Variants in GRM1 observed in about 807,000 individuals in gnomAD.
GRM1 encodes glutamate metabotropic receptor 1.
Under a neutral mutation model 90.9 loss-of-function variants are expected in GRM1, and 33 were observed. The ratio of observed to expected loss-of-function variants is 0.36; its 90% CI spans 0.28 to 0.49. The LOEUF is 0.49. Among genes scored for constraint, GRM1 ranks in the 20% least tolerant of loss-of-function variants. The pLI, the probability that GRM1 is intolerant of heterozygous loss-of-function variation, is 0.99. For synonymous variants in GRM1, 700 were observed against 613.2 expected, an observed-to-expected ratio of 1.14 and a Z score of -2.09; for missense variants, 1,190 against 1,534.3, an observed-to-expected ratio of 0.78 and a Z score of 3.75.
chr6:146,071,733 A>G (rs966773978), intron 1 of GRM1, among the ~76,000 whole-genome samples: 1 of 152,190 alleles, frequency 6.6e-6, no homozygotes, highest in Non-Finnish European at 1.5e-5. Context: ...TGATACAGTC[A>G]TGATAAAACC....
chr6:146,066,682 G>A (rs943439246), intron 1 of GRM1, among the ~76,000 whole-genome samples: 3 of 152,084 alleles, frequency 2.0e-5, no homozygotes, highest in African/African-American at 7.2e-5. Flanking sequence ...CAGTGTAAAT[G>A]TGCTCCCTTT....
intron 1 of GRM1, among the ~76,000 whole-genome samples, chr6:146,112,671 A>G (rs896147893): frequency 3.3e-5 from 5 of 152,118 alleles, no homozygotes; most frequent in African/African-American, 7.2e-5. Flanking sequence ...TTTCCTTTGT[A>G]TGTTCACATT....
chr6:146,179,174 T>A (rs1778448553), intron 2 of GRM1, among the ~76,000 whole-genome samples: 1 of 152,186 alleles, frequency 6.6e-6, no homozygotes, highest in Non-Finnish European at 1.5e-5. Flanking sequence ...CACTCTCACG[T>A]GCACATGTGT....
At position 146,239,142 on chromosome 6, in the gene GRM1, A is replaced by C. The variant is rs188876040; in HGVS notation, c.951-65469A>C. 8.7e-4 allele frequency among the ~76,000 whole-genome samples: 133 copies of C among 152,292 alleles called. 1 individual carries two copies. The highest frequency in any genetic ancestry group is 3.0e-3 in the African/African-American group (123 of 41,574). ...TAATATTCTTTCGTTTTAAAGAGAA[A>C]GGTATCAGCTCCTCTCATTTCAGAA... On this transcript the variant is annotated intron_variant, in intron 2 of 7. Coordinates refer to ENST00000282753, the MANE Select transcript of GRM1 (RefSeq NM_001278064.2).
chr6:146,433,362 G>T (rs1031368730), intron 7 of GRM1, among the ~76,000 whole-genome samples: 6 of 152,174 alleles, frequency 3.9e-5, no homozygotes, highest in Non-Finnish European at 7.3e-5. Flanking sequence ...ATATGAGAAT[G>T]GGCAACTGAG....
chr6:146,200,657 A>ACT (rs1251788406), intron 2 of GRM1, among the ~76,000 whole-genome samples: 1 of 152,144 alleles, frequency 6.6e-6, no homozygotes, highest in African/African-American at 2.4e-5. Flanking sequence ...AGCTGCTCTA[A>ACT]GAAGTACATG....
chr6:146,057,343 T>A (rs962403570), intron 1 of GRM1, among the ~76,000 whole-genome samples: 1 of 152,096 alleles, frequency 6.6e-6, no homozygotes, highest in Non-Finnish European at 1.5e-5. Context: ...TTGGGAACTA[T>A]CCCCAGTGTA....
At chr6:146,388,443 T>C (rs1484205366) in intron 6 of GRM1, among the ~76,000 whole-genome samples, 1 of 151,950 alleles carries the variant, frequency 6.6e-6, no homozygotes, top group African/African-American at 2.4e-5. Flanking sequence ...TCAGAGTACA[T>C]AAAAAATGAC....
chr6:146,389,552 CTTTAACTTGGTAAAATAT>C (rs986117210), intron 6 of GRM1, among the ~76,000 whole-genome samples: 5 of 152,030 alleles, frequency 3.3e-5, no homozygotes, highest in Admixed American at 3.3e-4. Flanking sequence ...GATTAGGGAT[CTTTAACTTGGTAAAATAT>C]TTTTAAAATT....
At chr6:146,273,484 G>A (rs1333935784) in intron 2 of GRM1, among the ~76,000 whole-genome samples, 2 of 152,166 alleles carry the variant, frequency 1.3e-5, no homozygotes, top group Non-Finnish European at 2.9e-5. Flanking sequence ...TTTTGTTAAT[G>A]CTACTCCCTA....
intron 3 of GRM1, among the ~76,000 whole-genome samples, chr6:146,325,535 TC>T (rs1784372401): frequency 6.6e-6 from 1 of 152,222 alleles, no homozygotes; most frequent in African/African-American, 2.4e-5. Flanking sequence ...TAAAATGGCC[TC>T]AGCCTGGCTG....
At chr6:146,409,147 A>G (rs934218205) in intron 7 of GRM1, among the ~76,000 whole-genome samples, 1 of 152,190 alleles carries the variant, frequency 6.6e-6, no homozygotes, top group Non-Finnish European at 1.5e-5. Flanking sequence ...TCCAGAGTGG[A>G]AAGGCTCCAG....
intron 7 of GRM1, among the ~76,000 whole-genome samples, chr6:146,400,052 G>GGGCT (rs1777101989): frequency 6.6e-6 from 1 of 152,206 alleles, no homozygotes; most frequent in Admixed American, 6.5e-5. Flanking sequence ...TTGCCCCTGG[G>GGGCT]GGCTGGGTCA....
At chr6:146,275,957 C>A (rs918944688) in intron 2 of GRM1, among the ~76,000 whole-genome samples, 4 of 150,982 alleles carry the variant, frequency 2.6e-5, no homozygotes, top group Non-Finnish European at 4.4e-5. Context: ...TTTTATTTTC[C>A]AATAGATGAG....
At chr6:146,308,521 G>T (rs1006502491) in intron 3 of GRM1, among the ~76,000 whole-genome samples, 4 of 152,132 alleles carry the variant, frequency 2.6e-5, no homozygotes. Context: ...CTACATCCCA[G>T]GATGTGGAAA....
Position 146,029,996 on chromosome 6 carries a change from T to TCGGTCC in GRM1, c.483_488dup (p.Pro162_Gly163dup). On this transcript the variant is annotated inframe_insertion, in exon 1 of 8. Transcript: ENST00000282753. ...ACTAAGAAGCCCATTGCGGGAGTGA[T>TCGGTCC]CGGTCCCGGCTCCAGCTCTGTAGCC... The TCGGTCC allele has an allele frequency of 6.2e-7, 1 of 1,614,068 alleles. No individual in the cohort carries two copies. The highest frequency in any genetic ancestry group is 8.5e-7 in the Non-Finnish European group (1 of 1,180,014).
At chr6:146,157,433 A>G (rs1489373840) in intron 1 of GRM1, among the ~76,000 whole-genome samples, 7 of 152,220 alleles carry the variant, frequency 4.6e-5, no homozygotes, top group Non-Finnish European at 1.0e-4. Flanking sequence ...ACTCATCAAG[A>G]CGTATACATT....
chr6:146,120,634 G>C (rs1015628660), intron 1 of GRM1, among the ~76,000 whole-genome samples: 6 of 152,254 alleles, frequency 3.9e-5, no homozygotes, highest in African/African-American at 1.4e-4. Flanking sequence ...TTTATTGAGA[G>C]TTTTTAGCGT....
chr6:146,282,903 C>A (rs1782626429), intron 2 of GRM1, among the ~76,000 whole-genome samples: 1 of 152,116 alleles, frequency 6.6e-6, no homozygotes, highest in South Asian at 2.1e-4. Context: ...ACCCTCATTC[C>A]AGAAATATTG....
Sources: gnomAD v4.1 joint callset for allele counts (sites outside exome capture counted in the v4.1 genomes callset) on GRCh38, gnomAD v4.1.1 for gene constraint, MANE v1.5 for transcripts, NCBI Gene and HGNC (gene_info 2026-07-23, HGNC 2026-07-21) for gene names.